The following ANKRD34C variants were observed in gnomAD, a reference collection of about 807,000 sequenced individuals.
ANKRD34C encodes ankyrin repeat domain-containing protein 34C.
For synonymous variants in ANKRD34C, 260 were observed against 253.6 expected (o/e 1.03, Z -0.24); for missense variants, 563 against 653.0 (o/e 0.86, Z 1.50).
chr15:79,297,727 G>T lies in ANKRD34C; in HGVS notation c.*2835G>T, dbSNP rs1186406210. ...AGATTATGCATAAATACGCAATTTT[G>T]TCCATGTCAATGAACCTAACAAGAA... On this transcript the variant is annotated 3_prime_UTR_variant, in exon 2 of 2. Coordinates refer to ENST00000421388, the MANE Select transcript of ANKRD34C (RefSeq NM_001146341.2). 3 of 166,934 alleles carry T rather than the reference G, an allele frequency of 1.8e-5. No individual in the cohort carries two copies. Among genetic ancestry groups the T allele is most frequent in the Non-Finnish European group, 2.9e-5 (2 of 68,110 alleles). 10.3% of individuals were successfully genotyped at this position (166,934 alleles called of 1,614,324 possible).
Position 79,294,574 on chromosome 15 carries a change from C to T in ANKRD34C, c.1290C>T (p.Ser430=). ...CCCTGGACACTGTACCTAGCACATCCCCCAGCTCAGCACGCCGCAGGCCGC... is the reference window on the plus strand; with the variant it reads ...CCCTGGACACTGTACCTAGCACATCTCCCAGCTCAGCACGCCGCAGGCCGC... The part of the protein sequence containing the change: ...RESLDTVPST[S]PSSARRRPPH... The change falls in exon 2 of 2, where the codon TCC becomes TCT. Residue 430 remains serine (S), a synonymous_variant. Transcript: ENST00000421388. The T allele has an allele frequency of 1.9e-6, 3 of 1,551,726 alleles. No homozygotes were observed. Among genetic ancestry groups the T allele is most frequent in the Non-Finnish European group, 2.6e-6 (3 of 1,147,002 alleles).
rs2141203094 is a variant in ANKRD34C at position 79,293,514 on chromosome 15, A to C, written c.230A>C (p.Asp77Ala). 6.4e-7 allele frequency: 1 copy of C among 1,551,556 alleles called. No individual in the cohort carries two copies. Among genetic ancestry groups the C allele is most frequent in the African/African-American group, 1.4e-5 (1 of 73,162 alleles). ...AAGTACCTGCTGGACAACAGGGCAG[A>C]CCCCAATATCCAAGATAAGTCTGGC... The part of the protein sequence containing the change: ...MVKYLLDNRA[D>A]PNIQDKSGKT... The change falls in exon 2 of 2, where the codon GAC becomes GCC. Residue 77 changes from aspartate to alanine, a missense_variant. Transcript: ENST00000421388.
At chr15:79,293,038 G>A (rs2058663405) in intron 1 of ANKRD34C, among the ~76,000 whole-genome samples, 1 of 152,068 alleles carries the variant, frequency 6.6e-6, no homozygotes, top group African/African-American at 2.4e-5. Flanking sequence ...ACCCTATGAG[G>A]TAGGTTACTA....
intron 1 of ANKRD34C, among the ~76,000 whole-genome samples, chr15:79,289,956 T>C (rs1422936550): frequency 1.3e-5 from 2 of 152,260 alleles, no homozygotes; most frequent in Non-Finnish European, 2.9e-5. Context: ...ATAGAGAATA[T>C]ACAAATATGA....
chr15:79,288,031 A>G (rs2058649755), intron 1 of ANKRD34C, among the ~76,000 whole-genome samples: 1 of 152,188 alleles, frequency 6.6e-6, no homozygotes, highest in Non-Finnish European at 1.5e-5. Flanking sequence ...ATCAGAAAGA[A>G]AGACTCACTG....
rs1258206923 is a variant in ANKRD34C, at chr15:79,297,966, C to T, written c.*3074C>T. Reference sequence around the variant, plus strand: ...ACCTTTGGTTTAATTTCTAGACTTTCCAAAGCTTTTTTTTTTCTTTTTAAA... The same window carrying T: ...ACCTTTGGTTTAATTTCTAGACTTTTCAAAGCTTTTTTTTTTCTTTTTAAA... On this transcript the variant is annotated 3_prime_UTR_variant, in exon 2 of 2. Coordinates refer to ENST00000421388, the MANE Select transcript of ANKRD34C (RefSeq NM_001146341.2). The T allele has an allele frequency of 6.0e-6, 1 of 165,654 alleles. No individual in the cohort carries two copies. The highest frequency in any genetic ancestry group is 2.4e-5 in the African/African-American group (1 of 41,370). The allele number at this position is 165,654 out of a possible 1,614,324, so 10.3% of individuals were successfully genotyped here. A position where few individuals can be genotyped will look rare whatever the true frequency, so the allele number is the denominator to read the frequency against.
At chr15:79,285,654 C>A (rs2058641820) in intron 1 of ANKRD34C, among the ~76,000 whole-genome samples, 1 of 152,186 alleles carries the variant, frequency 6.6e-6, no homozygotes, top group African/African-American at 2.4e-5. Flanking sequence ...AGTTAAGTAA[C>A]CTGAATGTGT....
Position 79,293,290 on chromosome 15 carries a change from G to A in ANKRD34C, c.6G>A (p.Met2Ile). The A allele has an allele frequency of 6.6e-7, 1 of 1,512,640 alleles. No individual in the cohort carries two copies. The highest frequency in any genetic ancestry group is 8.9e-7 in the Non-Finnish European group (1 of 1,128,378). The allele number at this position is 1,512,640 out of a possible 1,614,324, so 93.7% of individuals were successfully genotyped here. A position where few individuals can be genotyped will look rare whatever the true frequency, so the allele number is the denominator to read the frequency against. The change falls in exon 2 of 2, where the codon ATG becomes ATA. Residue 2 changes from methionine to isoleucine, a missense_variant. By Grantham distance (10) the Met-to-Ile change is conservative (BLOSUM62 1). Coordinates refer to ENST00000421388, the MANE Select transcript of ANKRD34C (RefSeq NM_001146341.2). Reference protein sequence around the residue: MMDDDTELRTDG... With the variant: MIDDDTELRTDG... ...TCCTCTAAACTGTAGCCAATATGAT[G>A]GATGATGACACTGAATTAAGGACTG...
Position 79,293,715 on chromosome 15 carries a change from C to A in ANKRD34C, c.431C>A (p.Ala144Asp), listed in dbSNP as rs1373004494. Residue 144 changes from alanine to aspartate, a missense_variant, in exon 2 of 2, where the codon GCC (alanine) becomes GAC (aspartate). Physicochemically the swap from Ala to Asp is moderately radical, Grantham distance 126. Transcript: ENST00000421388. ...AAGCATCTCCTTGATGCCTGCAAAG[C>A]CAAAGGGAAGGAGGTGATTATTATA... ...ALKHLLDACK[A>D]KGKEVIIITT... 3 of 1,551,512 alleles carry A rather than the reference C, an allele frequency of 1.9e-6. No individual in the cohort carries two copies. The African/African-American group carries it at 4.1e-5, about 21-fold the overall frequency.
chr15:79,289,343 A>G (rs796544534), intron 1 of ANKRD34C, among the ~76,000 whole-genome samples: 5 of 152,212 alleles, frequency 3.3e-5, no homozygotes, highest in Non-Finnish European at 4.4e-5. Flanking sequence ...ACAGAATGTT[A>G]TGCCTATTGG....
At chr15:79,285,206 C>CT (rs1391371242) in intron 1 of ANKRD34C, among the ~76,000 whole-genome samples, 1 of 152,128 alleles carries the variant, frequency 6.6e-6, no homozygotes, top group Non-Finnish European at 1.5e-5. Context: ...GCTCTGGTCT[C>CT]TAAGTACTAG....
chr15:79,292,518 C>T (rs368773519), intron 1 of ANKRD34C, among the ~76,000 whole-genome samples: 11 of 152,246 alleles, frequency 7.2e-5, no homozygotes, highest in African/African-American at 1.9e-4. Flanking sequence ...ATTCTGAATA[C>T]GGAGAATATG....
intron 1 of ANKRD34C, among the ~76,000 whole-genome samples, chr15:79,291,760 C>T (rs1470507039): frequency 6.6e-6 from 1 of 152,026 alleles, no homozygotes; most frequent in Non-Finnish European, 1.5e-5. Flanking sequence ...TCTAGCAGAA[C>T]ACATAAACAC....
At chr15:79,290,188 C>CCT (rs2058655645) in intron 1 of ANKRD34C, among the ~76,000 whole-genome samples, 1 of 108,812 alleles carries the variant, frequency 9.2e-6, no homozygotes, top group South Asian at 3.6e-4. Flanking sequence ...TGACACCCAG[C>CCT]TTTTTTTTTT....
chr15:79,285,586 C>T (rs779305944), intron 1 of ANKRD34C, among the ~76,000 whole-genome samples: 15 of 152,116 alleles, frequency 9.9e-5, no homozygotes, highest in African/African-American at 2.4e-4. Flanking sequence ...CCTAGCATCG[C>T]GATTTTATAT....
At chr15:79,290,718 G>A (rs777746066) in intron 1 of ANKRD34C, among the ~76,000 whole-genome samples, 28 of 152,188 alleles carry the variant, frequency 1.8e-4, no homozygotes, top group Non-Finnish European at 2.9e-4. Context: ...GGCTGAAAGC[G>A]AGACACAAGG....
intron 1 of ANKRD34C, among the ~76,000 whole-genome samples, chr15:79,284,892 G>A (rs1182190057): frequency 6.6e-6 from 1 of 152,186 alleles, no homozygotes; most frequent in Non-Finnish European, 1.5e-5. Flanking sequence ...CACATCCTCA[G>A]GAGCTTGAAT....
At position 79,295,048 on chromosome 15, in the gene ANKRD34C, A is replaced by G; in HGVS notation, c.*156A>G. ...TTCTGAGAATAATCCCTGGGTTTTT[A>G]TAGGCCTACTTGAAAAGAGCTCAGG... On this transcript the variant is annotated 3_prime_UTR_variant, in exon 2 of 2. Transcript: ENST00000421388. 2 of 848,068 alleles carry G rather than the reference A, an allele frequency of 2.4e-6. No homozygotes were observed. Among genetic ancestry groups the G allele is most frequent in the East Asian group, 2.8e-5 (1 of 36,030 alleles). The allele number at this position is 848,068 out of a possible 1,614,324, so 52.5% of individuals were successfully genotyped here. A position where few individuals can be genotyped will look rare whatever the true frequency, so the allele number is the denominator to read the frequency against.
chr15:79,291,320 C>G (rs1331100056), intron 1 of ANKRD34C, among the ~76,000 whole-genome samples: 1 of 151,982 alleles, frequency 6.6e-6, no homozygotes, highest in Non-Finnish European at 1.5e-5. Context: ...GGGAATGATT[C>G]TAGAGAGGTA....
Sources: gnomAD v4.1 joint callset for allele counts (sites outside exome capture counted in the v4.1 genomes callset) on GRCh38, gnomAD v4.1.1 for gene constraint, MANE v1.5 for transcripts, NCBI Gene and HGNC (gene_info 2026-07-23, HGNC 2026-07-21) for gene names.